The following SMC3 variants were observed in gnomAD, a reference collection of about 807,000 sequenced individuals.
SMC3 encodes structural maintenance of chromosomes protein 3.
SMC3 carries 20 observed loss-of-function variants against 171.8 expected under a neutral mutation model. That is an observed-to-expected ratio of 0.12 (90% CI 0.08 to 0.17). The LOEUF (loss-of-function observed/expected upper bound fraction) is 0.17. Ranked by LOEUF, SMC3 falls within the 10% of genes least tolerant of loss-of-function variation. The pLI, the probability that SMC3 is intolerant of heterozygous loss-of-function variation, is 1.00. For synonymous variants in SMC3, 464 were observed against 451.1 expected, an observed-to-expected ratio of 1.03 and a Z score of -0.36; for missense variants, 543 against 1,420.4, an observed-to-expected ratio of 0.38 and a Z score of 9.93.
intron 2 of SMC3, among the ~76,000 whole-genome samples, chr10:110,570,944 G>A (rs780215907): frequency 2.0e-4 from 31 of 152,294 alleles, no homozygotes; most frequent in Middle Eastern, 6.8e-3. Context: ...AAAATATCTG[G>A]TGAAAGCATA....
chr10:110,568,210 G>A (rs540176340), intron 1 of SMC3: 2 of 340,138 alleles, frequency 5.9e-6, no homozygotes, highest in East Asian at 1.3e-4. Context: ...TCCTGCAGGG[G>A]TGGCCTCACA....
rs1398680444 is a variant in SMC3 at position 110,601,056 on chromosome 10, C to G, written c.2570C>G (p.Thr857Ser). ...GAGCTGAGAGAGACAGAAGGGGGTACTGTTCTCACAGCCACAACATCAGAA... is the reference window on the plus strand; with the variant it reads ...GAGCTGAGAGAGACAGAAGGGGGTAGTGTTCTCACAGCCACAACATCAGAA... ...LNELRETEGG[T>S]VLTATTSELE... The change falls in exon 23 of 29, where the codon ACT becomes AGT. Residue 857 changes from threonine (T) to serine (S), a missense_variant. Coordinates refer to ENST00000361804, the MANE Select transcript of SMC3 (RefSeq NM_005445.4). 1 of 1,613,258 alleles carries G rather than the reference C, an allele frequency of 6.2e-7. No individual in the cohort carries two copies. Among genetic ancestry groups the G allele is most frequent in the Non-Finnish European group, 8.5e-7 (1 of 1,179,546 alleles).
chr10:110,589,510 C>T (rs764479593), intron 13 of SMC3, 95 bp from the exon 14 acceptor site: 5 of 785,016 alleles, frequency 6.4e-6, no homozygotes, highest in East Asian at 2.7e-5. Flanking sequence ...ACCTTTTGTC[C>T]GCCTCCCCCA....
chr10:110,578,440 T>C (rs1860987805), intron 6 of SMC3, among the ~76,000 whole-genome samples, 188 bp from the exon 7 acceptor site: 1 of 152,228 alleles, frequency 6.6e-6, no homozygotes, highest in Non-Finnish European at 1.5e-5. Context: ...TGAGGAATAT[T>C]TGCTTCATCT....
intron 8 of SMC3, 92 bp from the exon 9 acceptor site, chr10:110,581,830 CT>C (rs762257413): frequency 2.8e-4 from 314 of 1,126,984 alleles, no homozygotes; most frequent in Non-Finnish European, 3.7e-4. Context: ...TGCTACAGTT[CT>C]TAAAAATAAT....
intron 10 of SMC3, 78 bp from the exon 11 acceptor site, chr10:110,583,306 T>A: frequency 3.5e-6 from 4 of 1,152,718 alleles, no homozygotes; most frequent in Non-Finnish European, 3.9e-6. Context: ...AAACATTAAG[T>A]GAAAGAGAAT....
At chr10:110,577,653 A>G (rs1032862100) in intron 5 of SMC3, among the ~76,000 whole-genome samples, 161 bp downstream of exon 5, 5 of 152,226 alleles carry the variant, frequency 3.3e-5, no homozygotes, top group African/African-American at 1.2e-4. Flanking sequence ...ACAAATGGGA[A>G]TGTACAAACT....
At chr10:110,578,406 G>A (rs1203426303) in intron 6 of SMC3, among the ~76,000 whole-genome samples, 1 of 152,210 alleles carries the variant, frequency 6.6e-6, no homozygotes, top group Non-Finnish European at 1.5e-5. Flanking sequence ...AGAGTAAAAA[G>A]TATTCTTTTA....
rs1412987819 is a variant in SMC3, at chr10:110,605,796, A to C, written c.*1494A>C. On this transcript the variant is annotated 3_prime_UTR_variant, in exon 29 of 29. Transcript: ENST00000361804. Reference sequence around the variant, plus strand: ...ATTTACCCAAGAATTTTTCTCAAACAACTACCTAAGAATATTCATCATGAA... The same window carrying C: ...ATTTACCCAAGAATTTTTCTCAAACCACTACCTAAGAATATTCATCATGAA... 2.0e-5 allele frequency among the ~76,000 whole-genome samples: 3 copies of C among 152,170 alleles called. No homozygotes were observed. Among genetic ancestry groups the C allele is most frequent in the African/African-American group, 7.2e-5 (3 of 41,446 alleles).
At chr10:110,587,692 A>C (rs896738022) in intron 13 of SMC3, among the ~76,000 whole-genome samples, 2 of 114,164 alleles carry the variant, frequency 1.8e-5, no homozygotes, top group Non-Finnish European at 3.7e-5. Context: ...TCTCAAAGAA[A>C]AAAAAAAAAA....
chr10:110,583,510 G>GATTT lies in SMC3; in HGVS notation c.933_936dup (p.Gln313PhefsTer4). 1 of 1,614,098 alleles carries GATTT rather than the reference G, an allele frequency of 6.2e-7. No individual in the cohort carries two copies. ...GACTAAGTTGGAGCTTAAAGCCAAG[G>GATTT]ATTTACAAGATGAACTAGCAGGCAA... On this transcript the variant is annotated frameshift_variant, in exon 11 of 29. Transcript: ENST00000361804. LOFTEE classifies it high-confidence loss of function.
rs982327554 is a variant in SMC3, at chr10:110,567,726, G to A, written c.-91G>A. 2.0e-6 allele frequency: 3 copies of A among 1,504,444 alleles called. No individual in the cohort carries two copies. Among genetic ancestry groups the A allele is most frequent in the Non-Finnish European group, 2.8e-6 (3 of 1,085,722 alleles). 93.2% of individuals were successfully genotyped at this position (1,504,444 alleles called of 1,614,324 possible). A position where few individuals can be genotyped will look rare whatever the true frequency, so the allele number is the denominator to read the frequency against. ...CTGAGGGGAGCGAGCGGCGCTTTGG[G>A]GGAGGGGTCGCGTAGGCGCCTCACC... On this transcript the variant is annotated 5_prime_UTR_variant, in exon 1 of 29. Coordinates refer to ENST00000361804, the MANE Select transcript of SMC3 (RefSeq NM_005445.4).
Position 110,577,931 on chromosome 10 carries a change from T to C in SMC3, c.350+17T>C. 1 of 1,576,974 alleles carries C rather than the reference T, an allele frequency of 6.3e-7. No individual in the cohort carries two copies. Among genetic ancestry groups the C allele is most frequent in the African/African-American group, 1.3e-5 (1 of 74,368 alleles). On this transcript the variant is annotated intron_variant, in intron 6 of 28. Transcript: ENST00000361804. ...GATGGTCACGTAAGCATTTTTCTTT[T>C]TTTTAAAAAAACTGAATATGTACTT...
intron 7 of SMC3, 94 bp from the exon 8 acceptor site, chr10:110,580,810 A>C (rs913703506): frequency 3.8e-6 from 3 of 779,796 alleles, no homozygotes; most frequent in African/African-American, 3.4e-5. Context: ...AGGGATACCC[A>C]ACCTTCATGT....
At chr10:110,589,242 A>G (rs1190987715) in intron 13 of SMC3, among the ~76,000 whole-genome samples, 1 of 152,136 alleles carries the variant, frequency 6.6e-6, no homozygotes, top group Non-Finnish European at 1.5e-5. Flanking sequence ...ACAAAAAACA[A>G]AAAAAACAAA....
At chr10:110,580,106 C>G (rs1161180901) in intron 7 of SMC3, among the ~76,000 whole-genome samples, 1 of 152,006 alleles carries the variant, frequency 6.6e-6, no homozygotes, top group African/African-American at 2.4e-5. Flanking sequence ...AAACTATTTA[C>G]ATAGCATTTA....
chr10:110,571,539 A>G (rs1348764684), intron 2 of SMC3, among the ~76,000 whole-genome samples: 1 of 152,216 alleles, frequency 6.6e-6, no homozygotes, highest in African/African-American at 2.4e-5. Context: ...TGCTCTGGGA[A>G]CTAACACCCG....
intron 3 of SMC3, 47 bp downstream of exon 3, chr10:110,573,792 T>C (rs755473342): frequency 1.0e-5 from 12 of 1,163,108 alleles, no homozygotes; most frequent in Non-Finnish European, 1.6e-5. Context: ...CCTGGGTATC[T>C]TAGGGTAGAT....
intron 13 of SMC3, among the ~76,000 whole-genome samples, chr10:110,585,607 A>G (rs938789736): frequency 6.0e-5 from 9 of 150,044 alleles, no homozygotes; most frequent in Admixed American, 2.0e-4. Flanking sequence ...TTTTTTTAAA[A>G]CTTCATTTTT....
Sources: allele counts gnomAD v4.1 joint callset (sites outside exome capture counted in the v4.1 genomes callset), GRCh38; gene constraint gnomAD v4.1.1; transcripts MANE v1.5; gene names NCBI Gene and HGNC (gene_info 2026-07-23, HGNC 2026-07-21).